Variants in RSBN1 observed in about 807,000 individuals in gnomAD.
RSBN1 encodes the protein round spermatid basic protein 1, also known as lysine-specific demethylase 9.
A neutral mutation model predicts 74.8 loss-of-function variants in RSBN1; 23 were observed. The observed-to-expected ratio is 0.31, with a 90% confidence interval of 0.22 to 0.44. The LOEUF (loss-of-function observed/expected upper bound fraction) is 0.44, where lower values mean the gene tolerates loss of function less well. Among genes scored for constraint, RSBN1 ranks in the 20% least tolerant of loss-of-function variants. The pLI, the probability that RSBN1 is intolerant of heterozygous loss-of-function variation, is 1.00. For synonymous variants in RSBN1, 407 were observed against 379.6 expected (o/e 1.07, Z -0.84); for missense variants, 808 against 1,020.9 (o/e 0.79, Z 2.84).
chr1:113,810,581 G>C (rs948296833), intron 1 of RSBN1, among the ~76,000 whole-genome samples: 1 of 152,006 alleles, frequency 6.6e-6, no homozygotes, highest in Non-Finnish European at 1.5e-5. Context: ...AATACTTATT[G>C]AGCAATTATT....
intron 1 of RSBN1, among the ~76,000 whole-genome samples, chr1:113,799,144 A>G (rs1466699694): frequency 6.6e-6 from 1 of 152,232 alleles, no homozygotes. Flanking sequence ...TAATTCATCC[A>G]AACATTTAAG....
chr1:113,803,500 T>C (rs1304669333), intron 1 of RSBN1, among the ~76,000 whole-genome samples: 2 of 152,248 alleles, frequency 1.3e-5, no homozygotes, highest in African/African-American at 2.4e-5. Context: ...AGTTAATTCT[T>C]TGCACTGCTT....
intron 4 of RSBN1, among the ~76,000 whole-genome samples, chr1:113,772,205 T>C (rs539945308): frequency 6.6e-6 from 1 of 152,186 alleles, no homozygotes; most frequent in Admixed American, 6.5e-5. Flanking sequence ...CAGCAATGTG[T>C]AGGGACAGCT....
chr1:113,803,920 C>G (rs981523304), intron 1 of RSBN1, among the ~76,000 whole-genome samples: 7 of 140,906 alleles, frequency 5.0e-5, no homozygotes, highest in Admixed American at 1.5e-4. Flanking sequence ...CTGAGCAACA[C>G]AGCAGGACCC....
intron 1 of RSBN1, among the ~76,000 whole-genome samples, chr1:113,807,926 T>C (rs1224929167): frequency 6.6e-6 from 1 of 152,026 alleles, no homozygotes; most frequent in Non-Finnish European, 1.5e-5. Context: ...GTATTATCAC[T>C]AGCCATTTGG....
chr1:113,805,957 G>A (rs769406698), intron 1 of RSBN1, among the ~76,000 whole-genome samples: 11 of 152,176 alleles, frequency 7.2e-5, no homozygotes, highest in Non-Finnish European at 1.0e-4. Flanking sequence ...AATGAACAGA[G>A]CTATATTCCA....
At chr1:113,778,302 T>C (rs1402819431) in intron 2 of RSBN1, among the ~76,000 whole-genome samples, 1 of 146,002 alleles carries the variant, frequency 6.8e-6, no homozygotes, top group Admixed American at 6.9e-5. Flanking sequence ...TTTTTTTTTT[T>C]TTCCTTTTTT....
chr1:113,780,908 C>T (rs551136668), intron 2 of RSBN1, among the ~76,000 whole-genome samples: 5 of 152,172 alleles, frequency 3.3e-5, no homozygotes, highest in Admixed American at 2.0e-4. Flanking sequence ...GTTTTCATTC[C>T]TTTACTTACA....
chr1:113,812,128 C>T lies in RSBN1; in HGVS notation c.285G>A (p.Gly95=), dbSNP rs777548071. 3 of 1,607,420 alleles carry T rather than the reference C, an allele frequency of 1.9e-6. No individual in the cohort carries two copies. The highest frequency in any genetic ancestry group is 2.7e-5 in the African/African-American group (2 of 74,814). Residue 95 remains glycine, a synonymous_variant, in exon 1 of 7, where the codon GGG becomes GGA. Coordinates refer to ENST00000261441, the MANE Select transcript of RSBN1 (RefSeq NM_018364.5). ...TCGGCCGCCCCCGCTTCTCCTGAGA[C>T]CCCCCACTGCTAGATCGGCGCTGCC... ...VKRQRRSSSG[G]SQEKRGRPSQ... is the part of the protein sequence containing the mutation.
intron 5 of RSBN1, 50 bp from the exon 6 acceptor site, chr1:113,767,257 A>G: frequency 9.5e-7 from 1 of 1,054,232 alleles, no homozygotes; most frequent in Non-Finnish European, 1.4e-6. Context: ...ACAATGAAAA[A>G]TGATGACAAA....
intron 1 of RSBN1, among the ~76,000 whole-genome samples, chr1:113,802,923 G>A (rs1031518635): frequency 3.3e-5 from 5 of 152,140 alleles, no homozygotes; most frequent in African/African-American, 1.2e-4. Flanking sequence ...TTGGATAAAT[G>A]TATGACATGT....
intron 1 of RSBN1, among the ~76,000 whole-genome samples, chr1:113,806,589 T>C (rs949811593): frequency 6.6e-6 from 1 of 151,884 alleles, no homozygotes; most frequent in South Asian, 2.1e-4. Flanking sequence ...CTTTGGGATC[T>C]AGGACTTGGT....
At chr1:113,808,333 T>C (rs1007999234) in intron 1 of RSBN1, among the ~76,000 whole-genome samples, 1 of 152,196 alleles carries the variant, frequency 6.6e-6, no homozygotes, top group African/African-American at 2.4e-5. Context: ...ATAATTGTTA[T>C]ACTGTATTGT....
At chr1:113,783,228 T>A (rs1331039756) in intron 2 of RSBN1, among the ~76,000 whole-genome samples, 3 of 151,764 alleles carry the variant, frequency 2.0e-5, no homozygotes, top group African/African-American at 7.3e-5. Flanking sequence ...TGAATTTCTG[T>A]ATGTTAAGGC....
intron 1 of RSBN1, among the ~76,000 whole-genome samples, chr1:113,800,150 A>T (rs1445485591): frequency 1.3e-5 from 2 of 152,168 alleles, no homozygotes; most frequent in Non-Finnish European, 2.9e-5. Context: ...GAAAATACTT[A>T]AAAAAGCAAG....
chr1:113,793,324 A>G (rs1660405088), intron 2 of RSBN1, among the ~76,000 whole-genome samples: 1 of 152,222 alleles, frequency 6.6e-6, no homozygotes, highest in African/African-American at 2.4e-5. Flanking sequence ...CGGTTTGCAA[A>G]GCACTAATCT....
intron 2 of RSBN1, 70 bp downstream of exon 2, chr1:113,797,293 G>T: frequency 1.6e-6 from 2 of 1,241,482 alleles, no homozygotes; most frequent in Non-Finnish European, 1.1e-6. Flanking sequence ...GGTATGTGCT[G>T]TGCGACAGAA....
At position 113,768,026 on chromosome 1, in the gene RSBN1, A is replaced by T. The variant is rs145332438; in HGVS notation, c.1826+196T>A. On this transcript the variant is annotated intron_variant, in intron 5 of 6. Coordinates refer to ENST00000261441, the MANE Select transcript of RSBN1 (RefSeq NM_018364.5). ...ATAGAGTTACAGCCTCGCAAGATGA[A>T]AAGGTTCTGGAGCTCTGTTTCGTAA... The T allele has an allele frequency of 2.9e-4, 126 of 441,940 alleles. 1 individual carries two copies. The East Asian group carries it at 4.2e-3, about 15-fold the overall frequency. The allele number at this position is 441,940 out of a possible 1,614,324, so 27.4% of individuals were successfully genotyped here.
rs778628399 is a variant in RSBN1 at position 113,766,307 on chromosome 1, G to A, written c.2082C>T (p.Ser694=). 24 of 1,613,980 alleles carry A rather than the reference G, an allele frequency of 1.5e-5. 1 individual carries two copies. In the South Asian group the frequency reaches 2.6e-4, roughly 18 times the overall value. Reference sequence around the variant, plus strand: ...GTTTAAGCCTTATATGCCAGGCTAAGCTGCACACCGCCGAAACTGTTTTGA... The same window carrying A: ...GTTTAAGCCTTATATGCCAGGCTAAACTGCACACCGCCGAAACTGTTTTGA... The part of the protein sequence containing the change: ...HQFKTVSAVC[S]LAWHIRLKQY... Residue 694 remains serine, a synonymous_variant, in exon 7 of 7, where the codon AGC becomes AGT. Coordinates refer to ENST00000261441, the MANE Select transcript of RSBN1 (RefSeq NM_018364.5).
Sources: gnomAD v4.1 joint callset for allele counts (sites outside exome capture counted in the v4.1 genomes callset) on GRCh38, gnomAD v4.1.1 for gene constraint, MANE v1.5 for transcripts, NCBI Gene and HGNC (gene_info 2026-07-23, HGNC 2026-07-21) for gene names.